TENT5D: variants seen among roughly 807,000 people sequenced by gnomAD.
TENT5D encodes cancer/testis antigen 112.
For synonymous variants in TENT5D, 103 were observed against 100.6 expected, an observed-to-expected ratio of 1.02 and a Z score of -0.15; for missense variants, 191 against 287.0, an observed-to-expected ratio of 0.67 and a Z score of 2.42.
chrX:80,367,136 C>T (rs1213321354), intron 3 of TENT5D, among the ~76,000 whole-genome samples: 1 of 111,331 alleles, frequency 9.0e-6, no homozygotes, highest in African/African-American at 3.3e-5. Context: ...GGAAAAGACC[C>T]CAATCCAATA....
At chrX:80,352,913 C>T (rs1347699645) in intron 3 of TENT5D, among the ~76,000 whole-genome samples, 1 of 110,229 alleles carries the variant, frequency 9.1e-6, no homozygotes, top group Non-Finnish European at 1.9e-5. Flanking sequence ...TCATGGCTTC[C>T]CTTGGCTGGG....
intron 3 of TENT5D, among the ~76,000 whole-genome samples, chrX:80,410,723 A>T (rs1216060828): frequency 9.3e-6 from 1 of 107,934 alleles, no homozygotes; most frequent in Non-Finnish European, 1.9e-5. Flanking sequence ...ATACCATTTG[A>T]CCCAGCCATC....
chrX:80,337,118 GTGT>G (rs1361759617), intron 2 of TENT5D, among the ~76,000 whole-genome samples: 2 of 111,102 alleles, frequency 1.8e-5, no homozygotes, highest in Non-Finnish European at 3.8e-5. Flanking sequence ...TTTATAACTG[GTGT>G]TGTTAAAAGC....
chrX:80,358,822 T>A (rs1321262184), intron 3 of TENT5D, among the ~76,000 whole-genome samples: 1 of 111,921 alleles, frequency 8.9e-6, no homozygotes, highest in Non-Finnish European at 1.9e-5. Context: ...TGGAAAACAT[T>A]GTGTTAACTT....
intron 3 of TENT5D, among the ~76,000 whole-genome samples, chrX:80,384,688 C>T: frequency 9.7e-6 from 1 of 103,512 alleles, no homozygotes; most frequent in East Asian, 3.0e-4. Flanking sequence ...ATTGTCTCAG[C>T]CCAAAATCTC....
chrX:80,392,964 C>A (rs1335751740), intron 3 of TENT5D, among the ~76,000 whole-genome samples: 3 of 111,742 alleles, frequency 2.7e-5, no homozygotes, highest in Non-Finnish European at 5.6e-5. Context: ...TACACAGTCA[C>A]ATATATGTCT....
At position 80,434,162 on chromosome X, in the gene TENT5D, G is replaced by A. The variant is rs1308769687; in HGVS notation, c.-141-4448G>A. On this transcript the variant is annotated intron_variant, in intron 1 of 2. Transcript: ENST00000308293. Reference sequence around the variant, plus strand: ...AAAAAAAACAAAACAAAAAAAAAAGGGAAATGGAGCTAAGCATAGTATTTT... The same window carrying A: ...AAAAAAAACAAAACAAAAAAAAAAGAGAAATGGAGCTAAGCATAGTATTTT... 7.6e-5 allele frequency among the ~76,000 whole-genome samples: 8 copies of A among 105,556 alleles called. No homozygotes were observed. The Admixed American group carries it at 8.2e-4, about 11-fold the overall frequency. The allele number at this position is 105,556 out of a possible 115,157, so 91.7% of individuals were successfully genotyped here. A position where few individuals can be genotyped will look rare whatever the true frequency, so the allele number is the denominator to read the frequency against.
intron 3 of TENT5D, among the ~76,000 whole-genome samples, chrX:80,391,272 C>T (rs1296648468): frequency 1.8e-5 from 2 of 111,263 alleles, no homozygotes; most frequent in African/African-American, 6.5e-5. Context: ...GCACAGAGTC[C>T]TTTAAGTAGT....
intron 1 of TENT5D, among the ~76,000 whole-genome samples, chrX:80,424,511 C>T (rs989593282): frequency 1.8e-5 from 2 of 112,175 alleles, no homozygotes; most frequent in African/African-American, 6.5e-5. Flanking sequence ...CTACATTACC[C>T]ATTCCCTTTT....
At chrX:80,386,875 GA>G (rs1212267982) in intron 3 of TENT5D, among the ~76,000 whole-genome samples, 1 of 111,571 alleles carries the variant, frequency 9.0e-6, no homozygotes, top group African/African-American at 3.3e-5. Flanking sequence ...AGACAATGGG[GA>G]AAAAACCAAA....
At chrX:80,376,471 G>A (rs1478938586) in intron 3 of TENT5D, among the ~76,000 whole-genome samples, 1 of 111,022 alleles carries the variant, frequency 9.0e-6, no homozygotes, top group Non-Finnish European at 1.9e-5. Context: ...CTAATTTCTC[G>A]TGTCTAGGCC....
chrX:80,352,720 CAAAAAAAAAAAAAAA>C (rs1189877322), intron 3 of TENT5D, among the ~76,000 whole-genome samples: 2 of 19,915 alleles, frequency 1.0e-4, no homozygotes, highest in Non-Finnish European at 2.0e-4. Context: ...AGCAAACAAA[CAAAAAAAAAAAAAAA>C]AAAAAAAAAA....
upstream of TENT5D, among the ~76,000 whole-genome samples, chrX:80,419,942 T>C (rs1386500223): frequency 2.7e-5 from 3 of 111,939 alleles, no homozygotes; most frequent in African/African-American, 9.7e-5. Context: ...CTTGAACTCC[T>C]GGGCTCAAGT....
At chrX:80,395,366 T>C (rs1335487217) in intron 3 of TENT5D, among the ~76,000 whole-genome samples, 1 of 112,222 alleles carries the variant, frequency 8.9e-6, no homozygotes, top group Non-Finnish European at 1.9e-5. Flanking sequence ...TTTCATTTCC[T>C]TTGGATATAT....
intron 1 of TENT5D, among the ~76,000 whole-genome samples, chrX:80,435,211 A>G (rs1372954583): frequency 1.8e-5 from 2 of 111,942 alleles, no homozygotes; most frequent in African/African-American, 6.5e-5. Flanking sequence ...ACTACAGTCA[A>G]TTATATAAAA....
intron 3 of TENT5D, among the ~76,000 whole-genome samples, chrX:80,406,350 G>GA (rs1230815925): frequency 1.5e-3 from 157 of 106,835 alleles, no homozygotes; most frequent in African/African-American, 5.0e-3. Flanking sequence ...TGAAAACTTT[G>GA]AAAAAAATTT....
chrX:80,404,649 G>T (rs1445580298), intron 3 of TENT5D, among the ~76,000 whole-genome samples: 2 of 111,684 alleles, frequency 1.8e-5, no homozygotes, highest in Non-Finnish European at 3.8e-5. Context: ...TTTAATTTCT[G>T]GCCCTGTGTT....
At chrX:80,369,420 A>G (rs1271276397) in intron 3 of TENT5D, among the ~76,000 whole-genome samples, 1 of 112,088 alleles carries the variant, frequency 8.9e-6, no homozygotes, top group Non-Finnish European at 1.9e-5. Flanking sequence ...TGTAAAATAA[A>G]GGGAATTTTG....
upstream of TENT5D, among the ~76,000 whole-genome samples, chrX:80,419,232 G>A (rs970685262): frequency 1.8e-5 from 2 of 111,485 alleles, no homozygotes; most frequent in African/African-American, 3.2e-5. Context: ...ATCATGTAAT[G>A]TAATTTTCAT....
Sources: gnomAD v4.1 joint callset for allele counts (sites outside exome capture counted in the v4.1 genomes callset) on GRCh38, gnomAD v4.1.1 for gene constraint, MANE v1.5 for transcripts, NCBI Gene and HGNC (gene_info 2026-07-23, HGNC 2026-07-21) for gene names.